PNN: variants seen among roughly 807,000 people sequenced by gnomAD.
PNN encodes the protein pinin.
PNN carries 38 observed loss-of-function variants against 76.6 expected under a neutral mutation model. That is an observed-to-expected ratio of 0.50 (90% CI 0.38 to 0.65). PNN has a LOEUF of 0.65. PNN is among the 30% of genes least tolerant of loss of function. The pLI is 0.00. For missense variants in PNN, 873 were observed against 874.1 expected, an observed-to-expected ratio of 1.00 and a Z score of 0.02; for synonymous variants, 366 against 283.7, an observed-to-expected ratio of 1.29 and a Z score of -2.91.
At position 39,175,405 on chromosome 14, in the gene PNN, C is replaced by T. The variant is rs1412806836; in HGVS notation, c.113+13C>T. On this transcript the variant is annotated intron_variant, in intron 1 of 8. Transcript: ENST00000216832. ...CGAATGACGTGAGGTAAGGGCCTAA[C>T]GGGAACTCGGAACTCGGAGCTCGGA... is the stretch of plus-strand genomic sequence containing the variant. 5.9e-6 allele frequency: 9 copies of T among 1,523,872 alleles called. No individual in the cohort carries two copies. Among genetic ancestry groups the T allele is most frequent in the Non-Finnish European group, 7.3e-6 (8 of 1,099,634 alleles). The allele number at this position is 1,523,872 out of a possible 1,614,324, so 94.4% of individuals were successfully genotyped here.
At position 39,181,427 on chromosome 14, in the gene PNN, G is replaced by C; in HGVS notation, c.1718G>C (p.Ser573Thr). 6.2e-7 allele frequency: 1 copy of C among 1,614,192 alleles called. No homozygotes were observed. The highest frequency in any genetic ancestry group is 8.5e-7 in the Non-Finnish European group (1 of 1,180,022). Residue 573 changes from serine to threonine, a missense_variant, in exon 9 of 9, where the codon AGT becomes ACT. Coordinates refer to ENST00000216832, the MANE Select transcript of PNN (RefSeq NM_002687.4). ...CGAGCTAGAAATAAAACAAGCAAGA[G>C]TAGAAGTCGAAGCAGTAGCAGTAGC... is the stretch of plus-strand genomic sequence containing the variant. ...RGRARNKTSK[S>T]RSRSSSSSSS... is the part of the protein sequence containing the mutation.
At chr14:39,179,838 G>A (rs181842349) in intron 8 of PNN, among the ~76,000 whole-genome samples, 409 of 151,478 alleles carry the variant, frequency 2.7e-3, no homozygotes, top group African/African-American at 7.0e-3. Context: ...GGAGGCAGAA[G>A]TTGCAGTGAG....
chr14:39,176,430 G>T, intron 2 of PNN, 97 bp from the exon 3 acceptor site: 2 of 940,322 alleles, frequency 2.1e-6, no homozygotes, highest in Non-Finnish European at 3.2e-6. Flanking sequence ...ACTTTAGTTG[G>T]AAAGATTTTT....
At chr14:39,180,018 T>G (rs942596156) in intron 8 of PNN, among the ~76,000 whole-genome samples, 20 of 152,130 alleles carry the variant, frequency 1.3e-4, no homozygotes, top group Admixed American at 3.9e-4. Flanking sequence ...TCTGTATTCC[T>G]TAAGCATTTG....
chr14:39,180,472 A>C (rs768450914), intron 8 of PNN, 31 bp from the exon 9 acceptor site: 4 of 1,504,074 alleles, frequency 2.7e-6, no homozygotes, highest in Non-Finnish European at 3.5e-6. Context: ...TTAATCGGTA[A>C]ATTTTACACA....
chr14:39,179,438 G>C lies in PNN; in HGVS notation c.769G>C (p.Glu257Gln). 1 of 1,612,584 alleles carries C rather than the reference G, an allele frequency of 6.2e-7. No homozygotes were observed. The highest frequency in any genetic ancestry group is 8.5e-7 in the Non-Finnish European group (1 of 1,179,360). ...GTGTCCAGCTACCCAAAAACTAATA[G>C]AAGAGTCACAGAGAAAAATGAACGG... ...RMCPATQKLI[E>Q]ESQRKMNALF... is the part of the protein sequence containing the mutation. The change falls in exon 8 of 9, where the codon GAA becomes CAA. Residue 257 changes from glutamate to glutamine, a missense_variant. Transcript: ENST00000216832.
rs2053262597 is a variant in PNN at position 39,180,687 on chromosome 14, CAAT to C, written c.979_981del (p.Asn327del). ...AGTTGGAGGAGACAGGTAATCAGCA[CAAT>C]GATGTAGAAATAGAGGAAGCAGGAG... On this transcript the variant is annotated inframe_deletion, in exon 9 of 9. Transcript: ENST00000216832. The C allele has an allele frequency of 6.2e-7, 1 of 1,608,040 alleles. No homozygotes were observed. The highest frequency in any genetic ancestry group is 1.3e-5 in the African/African-American group (1 of 74,574).
rs1247596304 is a variant in PNN, at chr14:39,181,196, C to G, written c.1487C>G (p.Ser496Cys). The G allele has an allele frequency of 6.2e-7, 1 of 1,611,948 alleles. No homozygotes were observed. The highest frequency in any genetic ancestry group is 1.1e-5 in the South Asian group (1 of 91,036). ...TCCCAGTCCCAACCAGTACTCCAGT[C>G]CCAGCCTCCCTCTCAGCCTGAGGAT... The part of the protein sequence containing the change: ...LQSQSQPVLQ[S>C]QPPSQPEDLS... The change falls in exon 9 of 9, where the codon TCC (serine) becomes TGC (cysteine). Residue 496 changes from serine (S) to cysteine (C), a missense_variant. By Grantham distance (112) the Ser-to-Cys change is moderately radical. Transcript: ENST00000216832.
intron 1 of PNN, 64 bp from the exon 2 acceptor site, chr14:39,176,014 A>G (rs2053220316): frequency 9.6e-6 from 8 of 829,520 alleles, no homozygotes; most frequent in Non-Finnish European, 1.6e-5. Context: ...CATCTCTGAA[A>G]GTATTTGGGT....
At chr14:39,175,465 G>A in intron 1 of PNN, 73 bp downstream of exon 1, 2 of 919,176 alleles carry the variant, frequency 2.2e-6, no homozygotes, top group South Asian at 1.4e-5. Flanking sequence ...ATTGGGGGCG[G>A]GGAGGGCGGC....
intron 3 of PNN, among the ~76,000 whole-genome samples, chr14:39,177,142 T>G (rs1374479463): frequency 6.6e-6 from 1 of 152,222 alleles, no homozygotes; most frequent in Admixed American, 6.5e-5. Flanking sequence ...CCCAGCACTT[T>G]GGGAAGCCAA....
Position 39,177,414 on chromosome 14 carries a change from T to A in PNN, c.257T>A (p.Leu86Gln). 1 of 1,613,454 alleles carries A rather than the reference T, an allele frequency of 6.2e-7. No homozygotes were observed. The highest frequency in any genetic ancestry group is 8.5e-7 in the Non-Finnish European group (1 of 1,179,562). ...QRDLEGAVSR[L>Q]GGERRTRRES... ...AAAATTAATATTTTCTATGACAGGC[T>A]GGGCGGGGAGCGTCGGACCAGAAGA... Residue 86 changes from leucine to glutamine, a missense_variant and splice_region_variant, in exon 4 of 9, where the codon CTG (leucine) becomes CAG (glutamine). By Grantham distance (113) the Leu-to-Gln change is moderately radical (BLOSUM62 -2). Transcript: ENST00000216832.
Position 39,177,603 on chromosome 14 carries a change from A to T in PNN, c.338A>T (p.Gln113Leu). The change falls in exon 5 of 9, where the codon CAG becomes CTG. Residue 113 changes from glutamine (Q) to leucine (L), a missense_variant. This residue lies in a region of PNN where 156 missense variants were observed against 161.7 expected (regional missense o/e 0.96). Coordinates refer to ENST00000216832, the MANE Select transcript of PNN (RefSeq NM_002687.4). The part of the protein sequence containing the change: ...EDDDVKKPAL[Q>L]SSVVATSKER... Reference sequence around the variant, plus strand: ...TTTCTTTTTCTGCAGCCAGCATTGCAGTCTTCAGTTGTAGCTACCTCCAAA... The same window carrying T: ...TTTCTTTTTCTGCAGCCAGCATTGCTGTCTTCAGTTGTAGCTACCTCCAAA... 6.2e-7 allele frequency: 1 copy of T among 1,613,588 alleles called. No individual in the cohort carries two copies.
intron 2 of PNN, 42 bp from the exon 3 acceptor site, chr14:39,176,485 C>T (rs2053225473): frequency 7.3e-7 from 1 of 1,360,730 alleles, no homozygotes; most frequent in Non-Finnish European, 1.0e-6. Flanking sequence ...TACCATTTAT[C>T]TTGTATTTCA....
intron 6 of PNN, among the ~76,000 whole-genome samples, chr14:39,178,189 A>G (rs570023098): frequency 6.6e-6 from 1 of 152,296 alleles, no homozygotes; most frequent in East Asian, 1.9e-4. Context: ...GACAAATTAC[A>G]GTCAGTACCA....
chr14:39,180,054 T>C (rs931072930), intron 8 of PNN, among the ~76,000 whole-genome samples: 1 of 152,200 alleles, frequency 6.6e-6, no homozygotes, highest in African/African-American at 2.4e-5. Flanking sequence ...TTTTGCATGC[T>C]ATTATTGTTC....
chr14:39,178,171 TC>T (rs1424538431), intron 6 of PNN, among the ~76,000 whole-genome samples: 1 of 152,162 alleles, frequency 6.6e-6, no homozygotes, highest in Non-Finnish European at 1.5e-5. Context: ...AGTCTCCATT[TC>T]CTTAAAGACA....
chr14:39,181,785 A>G lies in PNN; in HGVS notation c.2076A>G (p.Ser692=). 3 of 1,613,900 alleles carry G rather than the reference A, an allele frequency of 1.9e-6. No individual in the cohort carries two copies. The highest frequency in any genetic ancestry group is 1.3e-5 in the African/African-American group (1 of 75,058). The change falls in exon 9 of 9, where the codon TCA becomes TCG. Residue 692 remains serine, a synonymous_variant. Transcript: ENST00000216832. ...GGTCCGACAGAAAGAGGTCTATATC[A>G]GAGAGTAGTCGATCAGGCAAAAGAT... ...NSRSDRKRSI[S]ESSRSGKRSS...
At chr14:39,175,695 A>G in intron 1 of PNN, 1 of 480,222 alleles carries the variant, frequency 2.1e-6, no homozygotes. Context: ...CCGGAACTGC[A>G]GCACAAAGCC....
Sources: gnomAD v4.1 joint callset for allele counts (sites outside exome capture counted in the v4.1 genomes callset) on GRCh38, gnomAD v4.1.1 for gene constraint, gnomAD v4.1.1 regional missense constraint, MANE v1.5 for transcripts, NCBI Gene and HGNC (gene_info 2026-07-23, HGNC 2026-07-21) for gene names.